CLCN6: variants seen among roughly 807,000 people sequenced by gnomAD.
CLCN6 encodes Cl-/H+ antiporter 6, also known as H(+)/Cl(-) exchange transporter 6.
Under a neutral mutation model 109.8 loss-of-function variants are expected in CLCN6, and 70 were observed. The ratio of observed to expected loss-of-function variants is 0.64; its 90% CI spans 0.53 to 0.78. The LOEUF (loss-of-function observed/expected upper bound fraction) is 0.78, where lower values mean the gene tolerates loss of function less well. Among genes scored for constraint, CLCN6 ranks in the 30% least tolerant of loss-of-function variants. The pLI, the probability that CLCN6 is intolerant of heterozygous loss-of-function variation, is 0.00. For missense variants in CLCN6, 984 were observed against 1,142.3 expected (o/e 0.86, Z 2.00); for synonymous variants, 444 against 447.8 (o/e 0.99, Z 0.11).
rs201164690 is a variant in CLCN6 at position 11,835,949 on chromosome 1, C to G, written c.1794-18C>G. 1.2e-6 allele frequency: 2 copies of G among 1,607,854 alleles called. No homozygotes were observed. The highest frequency in any genetic ancestry group is 1.7e-6 in the Non-Finnish European group (2 of 1,176,784). ...CGGGCACTGTCATGAGGCTGGATGA[C>G]TTGCCCTCCTCCCCCAGGCTGAGAG... On this transcript the variant is annotated intron_variant, in intron 17 of 22. Coordinates refer to ENST00000346436, the MANE Select transcript of CLCN6 (RefSeq NM_001286.5).
At chr1:11,828,341 T>A in intron 11 of CLCN6, 117 bp from the exon 12 acceptor site, 2 of 1,443,958 alleles carry the variant, frequency 1.4e-6, no homozygotes, top group Non-Finnish European at 1.9e-6. Flanking sequence ...ATCTCACCCA[T>A]TAGCCTCTGC....
intron 13 of CLCN6, among the ~76,000 whole-genome samples, chr1:11,831,178 G>T (rs1353720195): frequency 6.7e-6 from 1 of 149,194 alleles, no homozygotes; most frequent in Non-Finnish European, 1.5e-5. Context: ...TTTGTTTTTG[G>T]CAAAGTCTCA....
chr1:11,809,329 A>C (rs1178458887), intron 2 of CLCN6, among the ~76,000 whole-genome samples: 1 of 151,972 alleles, frequency 6.6e-6, no homozygotes. Flanking sequence ...CCTTCATCCT[A>C]CTTCTAGGAG....
chr1:11,834,114 G>A lies in CLCN6; in HGVS notation c.1526+84G>A, dbSNP rs1000797486. The stretch of plus-strand genomic sequence containing the variant: ...TATGCATGTGTGTGCGTGTGCGTGC[G>A]TTGATGTGTCTGTGCCCATGCATGC... On this transcript the variant is annotated intron_variant, in intron 15 of 22. Coordinates refer to ENST00000346436, the MANE Select transcript of CLCN6 (RefSeq NM_001286.5). This position sits in a 1 kb window ranked among gnomAD's most constrained non-coding sequence, Gnocchi z 4.5. 66 of 1,593,196 alleles carry A rather than the reference G, an allele frequency of 4.1e-5. No individual in the cohort carries two copies. Among genetic ancestry groups the A allele is most frequent in the South Asian group, 2.8e-4 (25 of 89,196 alleles).
chr1:11,821,074 C>A (rs767264562), intron 5 of CLCN6, among the ~76,000 whole-genome samples: 4,018 of 98,614 alleles, frequency 0.041, 99 homozygotes, highest in Middle Eastern at 0.075. Context: ...AAAACTGTCT[C>A]AAAAAACAAC....
At chr1:11,829,003 G>A (rs764721553) in intron 12 of CLCN6, among the ~76,000 whole-genome samples, 193 bp from the exon 13 acceptor site, 4 of 152,180 alleles carry the variant, frequency 2.6e-5, no homozygotes, top group Non-Finnish European at 4.4e-5. Context: ...CACTTTAACT[G>A]TCCACTTTTT....
intron 10 of CLCN6, among the ~76,000 whole-genome samples, chr1:11,827,430 C>CTTTTTTTTTTTTTTTTTTTTTTTTTTTT (rs59015951): frequency 1.9e-5 from 2 of 105,026 alleles, no homozygotes; most frequent in Non-Finnish European, 3.7e-5. Flanking sequence ...ACCGCTGTTA[C>CTTTTTTTTTTTTTTTTTTTTTTTTTTTT]TTTTTTTTTT....
At position 11,833,981 on chromosome 1, in the gene CLCN6, C is replaced by T. The variant is rs1206593554; in HGVS notation, c.1477C>T (p.Leu493=). The T allele has an allele frequency of 1.2e-6, 2 of 1,614,120 alleles. No homozygotes were observed. The highest frequency in any genetic ancestry group is 3.3e-5 in the Admixed American group (2 of 59,964). The change falls in exon 15 of 23, where the codon CTG becomes TTG. Residue 493 remains leucine (L), a synonymous_variant. Transcript: ENST00000346436. ...TCCAAGTGGCCTTTTTGTGCCTTCT[C>T]TGCTGTGTGGAGCTGCTTTTGGACG... ...SVPSGLFVPS[L]LCGAAFGRLV...
chr1:11,806,986 C>T (rs1481698760), intron 1 of CLCN6, 145 bp from the exon 2 acceptor site: 2 of 688,908 alleles, frequency 2.9e-6, no homozygotes, highest in Non-Finnish European at 5.0e-6. Context: ...TCCCTCACCC[C>T]TGAAAGGTTT....
At chr1:11,828,395 GTC>G (rs1644839205) in intron 11 of CLCN6, 61 bp from the exon 12 acceptor site, 16 of 1,595,726 alleles carry the variant, frequency 1.0e-5, no homozygotes, top group Non-Finnish European at 1.4e-5. Context: ...CTTCTCTTCT[GTC>G]TCTTCCGGTT....
In CLCN6 at chr1:11,807,163, T is replaced by C. The variant is rs377627467; in HGVS notation, c.120T>C (p.Asp40=). The C allele has an allele frequency of 8.4e-5, 135 of 1,611,000 alleles. No individual in the cohort carries two copies. The highest frequency in any genetic ancestry group is 1.1e-4 in the Non-Finnish European group (132 of 1,177,376). The part of the protein sequence containing the change: ...TILGETQEEE[D]EILPRKDYES... ...TTGGAGAAACACAGGAGGAGGAGGA[T>C]GAGATTCTTCCAAGGAAAGACTATG... The change falls in exon 2 of 23, where the codon GAT becomes GAC. Residue 40 remains aspartate, a synonymous_variant. Coordinates refer to ENST00000346436, the MANE Select transcript of CLCN6 (RefSeq NM_001286.5).
chr1:11,827,988 A>G, intron 10 of CLCN6, 118 bp from the exon 11 acceptor site: 1 of 750,130 alleles, frequency 1.3e-6, no homozygotes, highest in South Asian at 1.6e-5. Flanking sequence ...AGATCTCTGT[A>G]CCCGGATGTA....
intron 6 of CLCN6, 44 bp from the exon 7 acceptor site, chr1:11,823,663 C>G (rs776828001): frequency 6.2e-7 from 1 of 1,613,466 alleles, no homozygotes; most frequent in Non-Finnish European, 8.5e-7. Flanking sequence ...AGCCAGAGAA[C>G]CAATGGATTT....
rs1644982923 is a variant in CLCN6, at chr1:11,838,738, TCACCAGAAACGTAGGCATCC to T, written c.2529+85_2529+104del. 3.1e-6 allele frequency: 5 copies of T among 1,602,450 alleles called. No homozygotes were observed. The South Asian group carries it at 5.5e-5, about 18-fold the overall frequency. On this transcript the variant is annotated intron_variant, in intron 22 of 22. Coordinates refer to ENST00000346436, the MANE Select transcript of CLCN6 (RefSeq NM_001286.5). ...GGTGCTGTTTGTGCACCCAGGCTTC[TCACCAGAAACGTAGGCATCC>T]CACCAGGAGGGGAGAGTGTGGCCCA...
chr1:11,828,260 A>T (rs899475520), intron 11 of CLCN6, 41 bp downstream of exon 11: 1 of 1,570,486 alleles, frequency 6.4e-7, no homozygotes, highest in African/African-American at 1.4e-5. Context: ...AATTTGACCC[A>T]TGAAAATTTC....
chr1:11,836,407 G>A (rs966371604), intron 18 of CLCN6, among the ~76,000 whole-genome samples: 2 of 152,178 alleles, frequency 1.3e-5, no homozygotes, highest in Non-Finnish European at 2.9e-5. Context: ...CAGCTTTCAT[G>A]GTTTGTTTAC....
chr1:11,837,142 G>T lies in CLCN6; in HGVS notation c.2124G>T (p.Gln708His). Residue 708 changes from glutamine to histidine, a missense_variant, in exon 19 of 23, where the codon CAG (glutamine) becomes CAT (histidine). Physicochemically the swap from Gln to His is conservative, Grantham distance 24 (BLOSUM62 0). Coordinates refer to ENST00000346436, the MANE Select transcript of CLCN6 (RefSeq NM_001286.5). Reference protein sequence around the residue: ...EPAEKEDLLQQMLERRYTPYP... With the variant: ...EPAEKEDLLQHMLERRYTPYP... The stretch of plus-strand genomic sequence containing the variant: ...CCGAGAAGGAGGACCTCCTGCAGCA[G>T]ATGCTGGAAAGGAGGTGAGAGCCTG... 1 of 1,612,696 alleles carries T rather than the reference G, an allele frequency of 6.2e-7. No individual in the cohort carries two copies. The highest frequency in any genetic ancestry group is 8.5e-7 in the Non-Finnish European group (1 of 1,179,932).
At chr1:11,808,785 A>G (rs978272539) in intron 2 of CLCN6, among the ~76,000 whole-genome samples, 18 of 150,024 alleles carry the variant, frequency 1.2e-4, no homozygotes, top group African/African-American at 4.2e-4. Flanking sequence ...TTAATATGCT[A>G]CTCTGATGGG....
intron 9 of CLCN6, 26 bp downstream of exon 9, chr1:11,826,240 C>CT: frequency 6.3e-7 from 1 of 1,592,980 alleles, no homozygotes; most frequent in Non-Finnish European, 8.6e-7. Flanking sequence ...AAATTGGTTT[C>CT]TTTTTTGGAA....
Sources: gnomAD v4.1 joint callset for allele counts (sites outside exome capture counted in the v4.1 genomes callset) on GRCh38, gnomAD v4.1.1 for gene constraint, Gnocchi (gnomAD v3.1) non-coding constraint, MANE v1.5 for transcripts, NCBI Gene and HGNC (gene_info 2026-07-23, HGNC 2026-07-21) for gene names.